NT5C2: variants seen among roughly 807,000 people sequenced by gnomAD.
NT5C2 encodes cytosolic purine 5'-nucleotidase.
NT5C2 carries 58 observed loss-of-function variants against 76.1 expected under a neutral mutation model. The ratio of observed to expected loss-of-function variants is 0.76; its 90% CI spans 0.62 to 0.95. NT5C2 has a LOEUF of 0.95. Ranked by LOEUF, NT5C2 falls within the 40% of genes least tolerant of loss-of-function variation. NT5C2 has a pLI of 0.00. For synonymous variants in NT5C2, 229 were observed against 237.4 expected, an observed-to-expected ratio of 0.96 and a Z score of 0.32; for missense variants, 478 against 690.3, an observed-to-expected ratio of 0.69 and a Z score of 3.45.
intron 4 of NT5C2, among the ~76,000 whole-genome samples, chr10:103,129,946 C>T (rs1301548953): frequency 1.4e-5 from 2 of 138,532 alleles, no homozygotes; most frequent in African/African-American, 2.7e-5. Context: ...GTCAGCCCCC[C>T]CGCCCGGCCA....
chr10:103,192,072 G>A lies in NT5C2; in HGVS notation c.-169+1164C>T, dbSNP rs1010398413. Among the ~76,000 whole-genome samples, 20 of 151,862 alleles carry A rather than the reference G, an allele frequency of 1.3e-4. 1 individual carries two copies. Among genetic ancestry groups the A allele is most frequent in the Admixed American group, 7.9e-4 (12 of 15,232 alleles). On this transcript the variant is annotated intron_variant, in intron 1 of 18. Coordinates refer to ENST00000404739, the MANE Select transcript of NT5C2 (RefSeq NM_001351169.2). ...ATTCTAACCGTTGTTGAAAAGCCATGTGGTAAATATTTTTGAAACCTAAAG... is the reference window on the plus strand; with the variant it reads ...ATTCTAACCGTTGTTGAAAAGCCATATGGTAAATATTTTTGAAACCTAAAG...
At chr10:103,149,838 A>C (rs1014837026) in intron 3 of NT5C2, among the ~76,000 whole-genome samples, 2 of 151,954 alleles carry the variant, frequency 1.3e-5, no homozygotes, top group African/African-American at 4.8e-5. Context: ...CCTTTTACCT[A>C]AACGACAGCA....
chr10:103,169,416 A>G (rs1163036625), intron 3 of NT5C2: 1 of 152,162 alleles, frequency 6.6e-6, no homozygotes, highest in Non-Finnish European at 1.5e-5. Flanking sequence ...CAAGAGTTCA[A>G]GATCAACCTG....
chr10:103,138,445 G>C (rs190976324), intron 4 of NT5C2, among the ~76,000 whole-genome samples: 1 of 151,890 alleles, frequency 6.6e-6, no homozygotes, highest in Non-Finnish European at 1.5e-5. Context: ...CTCACCCCCC[G>C]ACAAGCCTCA....
intron 4 of NT5C2, among the ~76,000 whole-genome samples, chr10:103,132,998 C>T (rs1403706645): frequency 6.6e-6 from 1 of 152,160 alleles, no homozygotes; most frequent in Non-Finnish European, 1.5e-5. Flanking sequence ...ATATGATATG[C>T]CTTGGCTATG....
intron 6 of NT5C2, 25 bp downstream of exon 6, chr10:103,105,681 G>A: frequency 7.0e-7 from 1 of 1,421,966 alleles, no homozygotes; most frequent in South Asian, 1.2e-5. Flanking sequence ...ACATTAGAAA[G>A]AGGCTAAAGG....
chr10:103,180,964 T>C (rs999047403), intron 2 of NT5C2, among the ~76,000 whole-genome samples: 1 of 152,062 alleles, frequency 6.6e-6, no homozygotes, highest in African/African-American at 2.4e-5. Flanking sequence ...TCCGTATATA[T>C]AAAATCCTAG....
intron 3 of NT5C2, 115 bp from the exon 4 acceptor site, chr10:103,139,594 T>A: frequency 1.4e-6 from 1 of 727,312 alleles, no homozygotes; most frequent in Non-Finnish European, 2.2e-6. Flanking sequence ...ATTGATTTTT[T>A]AAACTTTTAA....
At chr10:103,168,643 C>T (rs2086996752) in intron 3 of NT5C2, among the ~76,000 whole-genome samples, 1 of 152,038 alleles carries the variant, frequency 6.6e-6, no homozygotes, top group East Asian at 1.9e-4. Flanking sequence ...TATCCTCAGC[C>T]CAGAAAACTA....
At chr10:103,092,244 A>T (rs967760450) in intron 15 of NT5C2, among the ~76,000 whole-genome samples, 5 of 152,202 alleles carry the variant, frequency 3.3e-5, no homozygotes, top group African/African-American at 1.2e-4. Flanking sequence ...CTTTAGGAGA[A>T]TTGAGAAAAG....
At chr10:103,141,113 G>C (rs913945547) in intron 3 of NT5C2, among the ~76,000 whole-genome samples, 1 of 152,096 alleles carries the variant, frequency 6.6e-6, no homozygotes, top group African/African-American at 2.4e-5. Flanking sequence ...CTTTTCCTTT[G>C]TTTTCTTTTA....
At chr10:103,168,872 A>G (rs1206070060) in intron 3 of NT5C2, among the ~76,000 whole-genome samples, 1 of 152,262 alleles carries the variant, frequency 6.6e-6, no homozygotes, top group Non-Finnish European at 1.5e-5. Context: ...ACTTTGTGAT[A>G]ATGATCAGCA....
chr10:103,091,356 T>TA (rs1049859294), intron 16 of NT5C2, among the ~76,000 whole-genome samples: 1 of 151,950 alleles, frequency 6.6e-6, no homozygotes, highest in African/African-American at 2.4e-5. Flanking sequence ...GAACTTTTTT[T>TA]TTTTTTGAGA....
chr10:103,143,609 T>G (rs1307836887), intron 3 of NT5C2, among the ~76,000 whole-genome samples: 3 of 132,258 alleles, frequency 2.3e-5, no homozygotes, highest in Non-Finnish European at 4.9e-5. Context: ...GCTATTTTTT[T>G]TTTTTTTTTT....
chr10:103,174,147 C>CTA (rs2089165243), intron 3 of NT5C2, among the ~76,000 whole-genome samples: 1 of 151,278 alleles, frequency 6.6e-6, no homozygotes, highest in South Asian at 2.1e-4. Context: ...TGGCTCAAGC[C>CTA]TATAATCCCA....
At chr10:103,112,124 C>G (rs1029928643) in intron 4 of NT5C2, among the ~76,000 whole-genome samples, 35 of 152,170 alleles carry the variant, frequency 2.3e-4, no homozygotes, top group African/African-American at 7.7e-4. Flanking sequence ...GTCTATTGGT[C>G]TTAGTTTATT....
intron 3 of NT5C2, among the ~76,000 whole-genome samples, chr10:103,158,813 T>C (rs1332287326): frequency 1.5e-5 from 2 of 133,316 alleles, no homozygotes; most frequent in Non-Finnish European, 3.2e-5. Flanking sequence ...GCGAGACTCT[T>C]ATCTAAAAAA....
At chr10:103,117,084 C>T (rs189816753) in intron 4 of NT5C2, among the ~76,000 whole-genome samples, 6 of 151,754 alleles carry the variant, frequency 4.0e-5, no homozygotes, top group South Asian at 4.2e-4. Flanking sequence ...AAATAAGGGA[C>T]GACACCAAAG....
intron 1 of NT5C2, among the ~76,000 whole-genome samples, chr10:103,192,895 G>C (rs958549140): frequency 2.6e-5 from 4 of 152,182 alleles, no homozygotes; most frequent in Non-Finnish European, 5.9e-5. Context: ...CGCGGCGAAC[G>C]GCCGCGCTGG....
Sources: allele counts gnomAD v4.1 joint callset (sites outside exome capture counted in the v4.1 genomes callset), GRCh38; gene constraint gnomAD v4.1.1; transcripts MANE v1.5; gene names NCBI Gene and HGNC (gene_info 2026-07-23, HGNC 2026-07-21).